Variants in LILRB3 observed in about 807,000 individuals in gnomAD.
The protein encoded by LILRB3 is leukocyte immunoglobulin-like receptor subfamily B member 3.
LILRB3 carries 32 observed loss-of-function variants against 68.2 expected under a neutral mutation model. That is an observed-to-expected ratio of 0.47 (90% CI 0.35 to 0.63). LILRB3 has a LOEUF of 0.63. Among genes scored for constraint, LILRB3 ranks in the 30% least tolerant of loss-of-function variants. The pLI is 0.00. For synonymous variants in LILRB3, 185 were observed against 323.1 expected (o/e 0.57, Z 4.58); for missense variants, 502 against 791.3 (o/e 0.63, Z 4.39).
At chr19:54,219,934 G>A (rs765184014) in intron 7 of LILRB3, 1 of 1,452,970 alleles carries the variant, frequency 6.9e-7, no homozygotes, top group South Asian at 1.2e-5. Flanking sequence ...GTCAGGACAG[G>A]GAGGTGAAGG....
chr19:54,218,777 C>CCTGTCCTTGGGCT lies in LILRB3; in HGVS notation c.1475_1487dup (p.Gly497AlafsTer15). The CCTGTCCTTGGGCT allele has an allele frequency of 6.2e-7, 1 of 1,614,106 alleles. No homozygotes were observed. Among genetic ancestry groups the CCTGTCCTTGGGCT allele is most frequent in the Non-Finnish European group, 8.5e-7 (1 of 1,180,014 alleles). ...GGCAGAATTACCTCCTCAGCAGGCC[C>CCTGTCCTTGGGCT]CTGTCCTTGGGCTCTGTCTCCGCAG... On this transcript the variant is annotated frameshift_variant, in exon 9 of 13. Coordinates refer to ENST00000445347, the Ensembl canonical transcript of LILRB3. LOFTEE classifies it high-confidence loss of function.
exon 3 of LILRB3, chr19:54,222,474 C>G: frequency 6.2e-7 from 1 of 1,606,818 alleles, no homozygotes; most frequent in Non-Finnish European, 8.5e-7. Flanking sequence ...CCTGGGCCTC[C>G]AGGCTCCCCT....
exon 6 of LILRB3, chr19:54,220,763 C>T: frequency 6.6e-7 from 1 of 1,524,064 alleles, no homozygotes. Context: ...ACAGCAGGGT[C>T]ATGTTCTCTC....
At chr19:54,216,845 TTTTTG>T in exon 13 of LILRB3, 1 of 1,386,672 alleles carries the variant, frequency 7.2e-7, no homozygotes, top group South Asian at 1.6e-5. Context: ...TTTACGTCTG[TTTTTG>T]TTTTTTGTTT....
rs1132605 is a variant in LILRB3, at chr19:54,220,561, A to C, written c.1225T>G (p.Phe409Val). The C allele has an allele frequency of 3.7e-4, 487 of 1,309,528 alleles. 53 individuals are homozygous for C. Among genetic ancestry groups the C allele is most frequent in the South Asian group, 3.7e-3 (299 of 81,380 alleles). The allele number at this position is 1,309,528 out of a possible 1,614,324, so 81.1% of individuals were successfully genotyped here. The change falls in exon 6 of 13, where the codon TTC becomes GTC. Residue 409 changes from phenylalanine (F) to valine (V), a missense_variant. Physicochemically the swap from Phe to Val is conservative, Grantham distance 50. Around this residue, in one of 8 missense-constraint regions of LILRB3, gnomAD observed 23 missense variants for 59.2 expected, o/e 0.39. Coordinates refer to ENST00000445347, the Ensembl canonical transcript of LILRB3. ...ATGAGTTCCAGGGGCTCACTGGGGA[A>C]AGACAGCAGGTGGGGGTTGGAGCTG... is the stretch of plus-strand genomic sequence containing the variant.
rs1341322280 is a variant in LILRB3 at position 54,220,798 on chromosome 19, G to A, written c.988C>T (p.Gln330Ter). ...CCTGAGGCCACTGTGGGGCCCGGCT[G>A]TGCTGACAGGGAGACGGTGTCATAG... The change falls in exon 6 of 13, where the codon CAG becomes TAG. Residue 330 changes from glutamine to a stop codon, truncating the protein, a stop_gained. Coordinates refer to ENST00000445347, the Ensembl canonical transcript of LILRB3. LOFTEE classifies it high-confidence loss of function. 8 of 1,500,048 alleles carry A rather than the reference G, an allele frequency of 5.3e-6. 1 individual carries two copies. Among genetic ancestry groups the A allele is most frequent in the Middle Eastern group, 3.5e-4 (2 of 5,754 alleles). The allele number at this position is 1,500,048 out of a possible 1,614,324, so 92.9% of individuals were successfully genotyped here. A position where few individuals can be genotyped will look rare whatever the true frequency, so the allele number is the denominator to read the frequency against.
At position 54,219,422 on chromosome 19, in the gene LILRB3, G is replaced by A. The variant is rs1408305550; in HGVS notation, c.1310-177C>T. 1.3e-5 allele frequency: 19 copies of A among 1,486,402 alleles called. No individual in the cohort carries two copies. The East Asian group carries it at 4.7e-4, about 37-fold the overall frequency. The allele number at this position is 1,486,402 out of a possible 1,614,324, so 92.1% of individuals were successfully genotyped here. A position where few individuals can be genotyped will look rare whatever the true frequency, so the allele number is the denominator to read the frequency against. ...TGCACAAACTGAGGCTCAGAGCAGG[G>A]AGTCGCCTGCCCCAGGCCTCCAGCG... On this transcript the variant is annotated intron_variant, in intron 7 of 12. Transcript: ENST00000445347.
Position 54,220,615 on chromosome 19 carries a change from C to T in LILRB3, c.1171G>A (p.Ala391Thr), listed in dbSNP as rs767911387. 24 of 1,519,448 alleles carry T rather than the reference C, an allele frequency of 1.6e-5. 1 individual carries two copies. The highest frequency in any genetic ancestry group is 1.7e-4 in the Middle Eastern group (1 of 5,882). 94.1% of individuals were successfully genotyped at this position (1,519,448 alleles called of 1,614,324 possible). A position where few individuals can be genotyped will look rare whatever the true frequency, so the allele number is the denominator to read the frequency against. ...GAGCCGTAGCACCTGTAGGTCCCCG[C>T]GTGGGCTGAGGTCACAGGACTCATG... Residue 391 changes from alanine to threonine, a missense_variant, in exon 6 of 13, where the codon GCG (alanine) becomes ACG (threonine). Ala to Thr is a moderately conservative substitution (Grantham distance 58, BLOSUM62 0). Transcript: ENST00000445347.
chr19:54,218,425 G>T lies in LILRB3; in HGVS notation c.1541-12C>A, dbSNP rs1024968064. ...CTTCACAGCAGCATCTGCTGGGGCAGAGCAAGGGGTTCGTCTCCTGGTTCT... is the reference window on the plus strand; with the variant it reads ...CTTCACAGCAGCATCTGCTGGGGCATAGCAAGGGGTTCGTCTCCTGGTTCT... On this transcript the variant is annotated splice_polypyrimidine_tract_variant and intron_variant, in intron 10 of 12. Coordinates refer to ENST00000445347, the Ensembl canonical transcript of LILRB3. 6 of 1,614,004 alleles carry T rather than the reference G, an allele frequency of 3.7e-6. No individual in the cohort carries two copies. The highest frequency in any genetic ancestry group is 1.7e-5 in the Admixed American group (1 of 60,006).
intron 11 of LILRB3, 140 bp from the exon 12 acceptor site, chr19:54,217,614 G>A (rs1035178070): frequency 3.4e-6 from 4 of 1,176,862 alleles, no homozygotes; most frequent in Non-Finnish European, 4.7e-6. Flanking sequence ...GCCGTGGAGG[G>A]TCTGGCCGCT....
Position 54,220,545 on chromosome 19 carries a change from AG to A in LILRB3, c.1240del (p.Leu414TrpfsTer32). The A allele has an allele frequency of 7.3e-7, 1 of 1,366,964 alleles. No homozygotes were observed. The highest frequency in any genetic ancestry group is 1.0e-6 in the Non-Finnish European group (1 of 1,004,526). 84.7% of individuals were successfully genotyped at this position (1,366,964 alleles called of 1,614,324 possible). A position where few individuals can be genotyped will look rare whatever the true frequency, so the allele number is the denominator to read the frequency against. ...GCCCTCACCTGAGACCATGAGTTCC[AG>A]GGGCTCACTGGGGAAAGACAGCAGG... On this transcript the variant is annotated frameshift_variant, in exon 6 of 13. Transcript: ENST00000445347. LOFTEE classifies it high-confidence loss of function.
At position 54,222,972 on chromosome 19, in the gene LILRB3, G is replaced by A. The variant is rs141307481; in HGVS notation, c.5C>T (p.Thr2Met). 70 of 1,612,364 alleles carry A rather than the reference G, an allele frequency of 4.3e-5. 1 individual carries two copies. In the African/African-American group the frequency reaches 7.2e-4, roughly 17 times the overall value. Residue 2 changes from threonine to methionine, a missense_variant, in exon 1 of 13, where the codon ACG becomes ATG. Physicochemically the swap from Thr to Met is moderately conservative, Grantham distance 81. Around this residue, in one of 8 missense-constraint regions of LILRB3, gnomAD observed 97 missense variants for 180.4 expected, o/e 0.54. Coordinates refer to ENST00000445347, the Ensembl canonical transcript of LILRB3. The stretch of plus-strand genomic sequence containing the variant: ...GCAGAGCAGGGCTGTGAGGGCGGGC[G>A]TCATGGCGTCTCCTCCCGGTGACCC...
At chr19:54,216,880 A>G in exon 13 of LILRB3, 1 of 1,429,644 alleles carries the variant, frequency 7.0e-7, no homozygotes. Flanking sequence ...TAACTCATTG[A>G]TTGTTGAGAA....
chr19:54,218,802 G>A (rs760420606), exon 9 of LILRB3: 3 of 1,614,004 alleles, frequency 1.9e-6, no homozygotes, highest in African/African-American at 2.7e-5. Context: ...TGTCTCCGCA[G>A]CCCCTGCAGG....
chr19:54,218,950 A>T (rs924675594), intron 8 of LILRB3, 112 bp from the exon 9 acceptor site: 1 of 1,554,842 alleles, frequency 6.4e-7, no homozygotes, highest in African/African-American at 1.4e-5. Context: ...GGATGTTCCA[A>T]ATATTTTATG....
chr19:54,216,749 T>C (rs1201609899), exon 13 of LILRB3: 8 of 1,177,262 alleles, frequency 6.8e-6, no homozygotes, highest in Non-Finnish European at 7.5e-6. Flanking sequence ...AGTGGCACAG[T>C]CATAGCTCAC....
intron 9 of LILRB3, 28 bp from the exon 10 acceptor site, chr19:54,218,710 G>T: frequency 6.2e-7 from 1 of 1,614,160 alleles, no homozygotes; most frequent in Non-Finnish European, 8.5e-7. Flanking sequence ...AGTGTGAGGG[G>T]CAGTGTATGG....
rs143866435 is a variant in LILRB3, at chr19:54,217,096, G to A, written c.1893C>T (p.His631=). 3.1e-6 allele frequency: 5 copies of A among 1,614,068 alleles called. No homozygotes were observed. The African/African-American group carries it at 6.7e-5, about 22-fold the overall frequency. ...TGGGGTCTGCGTACCCCCCGGGCTAGTGGATGGCCAGAGTGGCGTAGATGC... is the reference window on the plus strand; with the variant it reads ...TGGGGTCTGCGTACCCCCCGGGCTAATGGATGGCCAGAGTGGCGTAGATGC... The change falls in exon 13 of 13, where the codon CAC becomes CAT. Residue 631 remains histidine (H), a synonymous_variant. Coordinates refer to ENST00000445347, the Ensembl canonical transcript of LILRB3.
exon 6 of LILRB3, chr19:54,220,765 T>C (rs1052983): frequency 0.61 from 921,014 of 1,511,242 alleles, 265,579 homozygotes; most frequent in Middle Eastern, 0.62. Flanking sequence ...AGCAGGGTCA[T>C]GTTCTCTCCT....
Sources: gnomAD v4.1 joint callset for allele counts on GRCh38, gnomAD v4.1.1 for gene constraint, gnomAD v4.1.1 regional missense constraint, MANE v1.5 for transcripts, NCBI Gene and HGNC (gene_info 2026-07-23, HGNC 2026-07-21) for gene names.